The following CDH13 variants were observed in gnomAD, a reference collection of about 807,000 sequenced individuals.
The protein encoded by CDH13 is cadherin 13, also known as cadherin-13.
Under a neutral mutation model 63.8 loss-of-function variants are expected in CDH13, and 24 were observed. The observed-to-expected ratio is 0.38, with a 90% confidence interval of 0.27 to 0.53. The LOEUF is 0.53. Ranked by LOEUF, CDH13 falls within the 20% of genes least tolerant of loss-of-function variation. CDH13 has a pLI of 0.85. For synonymous variants in CDH13, 503 were observed against 355.3 expected (o/e 1.42, Z -4.67); for missense variants, 1,049 against 903.1 (o/e 1.16, Z -2.07).
At chr16:83,715,211 C>T (rs1191722566) in intron 10 of CDH13, among the ~76,000 whole-genome samples, 1 of 152,190 alleles carries the variant, frequency 6.6e-6, no homozygotes, top group East Asian at 1.9e-4. Flanking sequence ...ATCACTTGGG[C>T]TATTCCCGTA....
At chr16:83,466,836 C>T (rs1487044990) in intron 6 of CDH13, among the ~76,000 whole-genome samples, 2 of 152,230 alleles carry the variant, frequency 1.3e-5, no homozygotes, top group Non-Finnish European at 2.9e-5. Context: ...CAATTCCTTT[C>T]TTTCTTTGTA....
intron 2 of CDH13, among the ~76,000 whole-genome samples, chr16:83,020,080 CA>C (rs749787166): frequency 2.0e-5 from 3 of 152,264 alleles, no homozygotes; most frequent in East Asian, 3.9e-4. Flanking sequence ...GCTCCGTTAT[CA>C]TCTTACGGGA....
At chr16:82,923,161 A>C (rs973549486) in intron 2 of CDH13, among the ~76,000 whole-genome samples, 12 of 152,312 alleles carry the variant, frequency 7.9e-5, no homozygotes, top group African/African-American at 2.9e-4. Context: ...ATTTGTAAAA[A>C]CTGCAATATC....
intron 2 of CDH13, among the ~76,000 whole-genome samples, chr16:82,980,023 A>C (rs533543333): frequency 7.9e-5 from 12 of 152,316 alleles, no homozygotes; most frequent in Middle Eastern, 3.4e-3. Context: ...CAGTTTATAA[A>C]TGCATAGTTG....
intron 3 of CDH13, among the ~76,000 whole-genome samples, chr16:83,071,897 G>C (rs1450173307): frequency 1.3e-5 from 2 of 152,068 alleles, no homozygotes; most frequent in Non-Finnish European, 2.9e-5. Context: ...ACACAGAATT[G>C]ATTCTATGCT....
At chr16:82,635,123 G>T (rs1405598104) in intron 1 of CDH13, among the ~76,000 whole-genome samples, 1 of 152,192 alleles carries the variant, frequency 6.6e-6, no homozygotes, top group Non-Finnish European at 1.5e-5. Context: ...TCCTCCACTA[G>T]ACTATAAGCT....
chr16:83,508,948 A>C (rs2074489899), intron 7 of CDH13, among the ~76,000 whole-genome samples: 1 of 150,658 alleles, frequency 6.6e-6, no homozygotes, highest in African/African-American at 2.4e-5. Flanking sequence ...CCTGGAGTTG[A>C]GAATTTATGC....
intron 6 of CDH13, among the ~76,000 whole-genome samples, chr16:83,472,318 G>A (rs76237957): frequency 0.052 from 7,892 of 152,288 alleles, 301 homozygotes; most frequent in Non-Finnish European, 0.072. Flanking sequence ...GGGGATTTAT[G>A]TTAGACGGTG....
intron 7 of CDH13, among the ~76,000 whole-genome samples, chr16:83,599,169 C>T (rs987861030): frequency 1.3e-5 from 2 of 152,232 alleles, no homozygotes; most frequent in South Asian, 2.1e-4. Context: ...GCAGCATACT[C>T]CTGCTATAGT....
At chr16:82,903,023 C>G (rs1379577392) in intron 2 of CDH13, among the ~76,000 whole-genome samples, 1 of 152,294 alleles carries the variant, frequency 6.6e-6, no homozygotes, top group Non-Finnish European at 1.5e-5. Flanking sequence ...CTGTCTGACT[C>G]TTACATTATT....
intron 1 of CDH13, among the ~76,000 whole-genome samples, chr16:82,768,073 G>C (rs1483375335): frequency 1.3e-5 from 2 of 152,164 alleles, no homozygotes; most frequent in African/African-American, 4.8e-5. Context: ...AGAAGGGAAG[G>C]AAACTGTCAG....
intron 3 of CDH13, among the ~76,000 whole-genome samples, chr16:83,054,473 A>G (rs975384537): frequency 2.6e-5 from 4 of 152,222 alleles, no homozygotes; most frequent in African/African-American, 9.6e-5. Context: ...ATGGGATAGT[A>G]TGTACAGTGT....
At chr16:83,686,114 C>T (rs922993721) in intron 10 of CDH13, among the ~76,000 whole-genome samples, 5 of 152,200 alleles carry the variant, frequency 3.3e-5, no homozygotes, top group African/African-American at 1.2e-4. Flanking sequence ...AGCACACAAG[C>T]AGGGTTTACA....
chr16:82,942,593 A>T (rs1904303937), intron 2 of CDH13, among the ~76,000 whole-genome samples: 1 of 152,162 alleles, frequency 6.6e-6, no homozygotes, highest in African/African-American at 2.4e-5. Context: ...CCTGCTTGGC[A>T]GTTTTCTCAT....
chr16:83,218,151 T>C (rs974261762), intron 5 of CDH13, among the ~76,000 whole-genome samples: 3 of 152,174 alleles, frequency 2.0e-5, no homozygotes, highest in Non-Finnish European at 4.4e-5. Flanking sequence ...ATTGATTGAT[T>C]GATTGATTTG....
chr16:83,536,061 G>C (rs1478346112), intron 7 of CDH13, among the ~76,000 whole-genome samples: 1 of 152,122 alleles, frequency 6.6e-6, no homozygotes, highest in Non-Finnish European at 1.5e-5. Context: ...ATTCACCCAG[G>C]ACAACATTTG....
chr16:82,945,763 A>G (rs1904644152), intron 2 of CDH13, among the ~76,000 whole-genome samples: 1 of 152,144 alleles, frequency 6.6e-6, no homozygotes, highest in Admixed American at 6.5e-5. Context: ...AGGCGTTTTG[A>G]TAGGCCAAAA....
chr16:83,179,414 T>C (rs1032338043), intron 4 of CDH13, among the ~76,000 whole-genome samples: 2 of 143,368 alleles, frequency 1.4e-5, no homozygotes, highest in South Asian at 2.2e-4. Flanking sequence ...GAGGCCGAGG[T>C]GGGTGGATCA....
chr16:82,738,596 C>T (rs921366862), intron 1 of CDH13, among the ~76,000 whole-genome samples: 2 of 152,220 alleles, frequency 1.3e-5, no homozygotes, highest in Admixed American at 1.3e-4. Flanking sequence ...CATGCTGTAA[C>T]TAAACAGCAC....
Sources: allele counts gnomAD v4.1 joint callset (sites outside exome capture counted in the v4.1 genomes callset), GRCh38; gene constraint gnomAD v4.1.1; transcripts MANE v1.5; gene names NCBI Gene and HGNC (gene_info 2026-07-23, HGNC 2026-07-21).